Variants in NRAS observed in about 807,000 individuals in gnomAD.
NRAS encodes GTPase NRas.
In NRAS, 6 loss-of-function variants were observed where a neutral mutation model predicts 21.3. The observed-to-expected ratio is 0.28, with a 90% CI of 0.15 to 0.56. The LOEUF (loss-of-function observed/expected upper bound fraction) is 0.56. NRAS is among the 20% of genes least tolerant of loss of function. The pLI is 0.93. For synonymous variants in NRAS, 84 were observed against 82.0 expected, an observed-to-expected ratio of 1.02 and a Z score of -0.13; for missense variants, 143 against 231.3, an observed-to-expected ratio of 0.62 and a Z score of 2.48.
intron 4 of NRAS, 130 bp downstream of exon 4, chr1:114,709,439 A>G: frequency 1.2e-6 from 1 of 806,536 alleles, no homozygotes; most frequent in Non-Finnish European, 2.0e-6. Context: ...TGCCTAAAAA[A>G]AAATAAAAAA....
intron 3 of NRAS, among the ~76,000 whole-genome samples, chr1:114,713,421 C>T (rs1659086124): frequency 6.6e-6 from 1 of 152,168 alleles, no homozygotes; most frequent in Admixed American, 6.5e-5. Flanking sequence ...GCCTTGGCCT[C>T]CCAAAGCACT....
intron 5 of NRAS, 103 bp from the exon 6 acceptor site, chr1:114,708,295 TAAA>T (rs1658962240): frequency 1.8e-6 from 1 of 548,494 alleles, no homozygotes; most frequent in Non-Finnish European, 3.2e-6. Context: ...CTACATTTCA[TAAA>T]TAATGTCTTA....
chr1:114,709,477 T>C lies in NRAS; in HGVS notation c.450+92A>G, dbSNP rs1403174413. 5.6e-6 allele frequency: 6 copies of C among 1,067,098 alleles called. No individual in the cohort carries two copies. The Admixed American group carries it at 1.1e-4, about 19-fold the overall frequency. The allele number at this position is 1,067,098 out of a possible 1,614,324, so 66.1% of individuals were successfully genotyped here. A position where few individuals can be genotyped will look rare whatever the true frequency, so the allele number is the denominator to read the frequency against. ...AAAAAATAAAAATGAAAAAAATGCATAACAACAAAGAATATGAATATGGAT... is the reference window on the plus strand; with the variant it reads ...AAAAAATAAAAATGAAAAAAATGCACAACAACAAAGAATATGAATATGGAT... On this transcript the variant is annotated intron_variant, in intron 4 of 6. Transcript: ENST00000369535.
chr1:114,716,502 T>G lies in NRAS; in HGVS notation c.-18+156A>C, dbSNP rs9724617. Among the ~76,000 whole-genome samples, 3,038 of 152,212 alleles carry G rather than the reference T, an allele frequency of 0.02. 95 individuals are homozygous for G. Among genetic ancestry groups the G allele is most frequent in the African/African-American group, 0.068 (2,831 of 41,506 alleles). ...CGCAACTCCTTCCCATTCTCCCTTC[T>G]GTCTCCAAAGATCTCCCCACGTAGG... On this transcript the variant is annotated intron_variant, in intron 1 of 6. Transcript: ENST00000369535.
At position 114,706,086 on chromosome 1, in the gene NRAS, A is replaced by G. The variant is rs1290346501; in HGVS notation, c.*2008T>C. The G allele has an allele frequency of 6.6e-6, 1 of 152,220 alleles. No homozygotes were observed. The highest frequency in any genetic ancestry group is 1.5e-5 in the Non-Finnish European group (1 of 68,038). The allele number at this position is 152,220 out of a possible 1,614,324, so 9.4% of individuals were successfully genotyped here. On this transcript the variant is annotated 3_prime_UTR_variant, in exon 7 of 7. Transcript: ENST00000369535. ...AGAAGGAGCAGAAACAGAAAAGCAG[A>G]ATTTCCATTTACAAATGATGACAGT...
intron 2 of NRAS, among the ~76,000 whole-genome samples, chr1:114,714,917 A>T (rs762713777): frequency 6.6e-6 from 1 of 152,262 alleles, no homozygotes; most frequent in Non-Finnish European, 1.5e-5. Context: ...GTTAGTTTTC[A>T]TCAATTAAAC....
rs903990773 is a variant in NRAS, at chr1:114,708,476, T to C, written c.*4+55A>G. ...ACAATAACACCAGCACTCCTCCAAA[T>C]TGCCCAATACTATATACTAAGATTT... On this transcript the variant is annotated intron_variant, in intron 5 of 6. Coordinates refer to ENST00000369535, the MANE Select transcript of NRAS (RefSeq NM_002524.5). 12 of 1,547,136 alleles carry C rather than the reference T, an allele frequency of 7.8e-6. No individual in the cohort carries two copies. In the Admixed American group the frequency reaches 1.2e-4, roughly 15 times the overall value.
intron 1 of NRAS, 85 bp from the exon 2 acceptor site, chr1:114,716,262 C>T: frequency 2.4e-6 from 2 of 826,626 alleles, no homozygotes; most frequent in Non-Finnish European, 4.3e-6. Flanking sequence ...AAATGAAAAC[C>T]CTAGTGTGAC....
chr1:114,709,777 T>G (rs754914287), intron 3 of NRAS, 49 bp from the exon 4 acceptor site: 1 of 1,482,096 alleles, frequency 6.7e-7, no homozygotes, highest in African/African-American at 1.4e-5. Flanking sequence ...AAGATTAGGC[T>G]GGGTACAGTG....
At chr1:114,714,573 A>G (rs1292126188) in intron 2 of NRAS, among the ~76,000 whole-genome samples, 1 of 152,214 alleles carries the variant, frequency 6.6e-6, no homozygotes, top group Non-Finnish European at 1.5e-5. Context: ...ACATGCATAG[A>G]TCATATAAAA....
In NRAS at chr1:114,709,748, A is replaced by G; in HGVS notation, c.291-20T>C. The G allele has an allele frequency of 6.2e-7, 1 of 1,603,896 alleles. No individual in the cohort carries two copies. Among genetic ancestry groups the G allele is most frequent in the Non-Finnish European group, 8.5e-7 (1 of 1,170,696 alleles). ...TGCTCCCTAAAAACGGGAATATATT[A>G]TCAGAACATAAGAAAAACAAGATTA... is the stretch of plus-strand genomic sequence containing the variant. On this transcript the variant is annotated intron_variant, in intron 3 of 6. Coordinates refer to ENST00000369535, the MANE Select transcript of NRAS (RefSeq NM_002524.5).
intron 3 of NRAS, 30 bp downstream of exon 3, chr1:114,713,770 T>C (rs1055099395): frequency 6.4e-7 from 1 of 1,572,474 alleles, no homozygotes; most frequent in Non-Finnish European, 8.8e-7. Flanking sequence ...ACAAAGATCA[T>C]CCTTTCAGAG....
Position 114,713,911 on chromosome 1 carries a change from C to T in NRAS, c.179G>A (p.Gly60Glu), listed in dbSNP as rs267606920. 2 of 1,611,642 alleles carry T rather than the reference C, an allele frequency of 1.2e-6. No individual in the cohort carries two copies. The highest frequency in any genetic ancestry group is 8.5e-7 in the Non-Finnish European group (1 of 1,178,064). Residue 60 changes from glycine (G) to glutamate (E), a missense_variant, in exon 3 of 7, where the codon GGA becomes GAA. Transcript: ENST00000369535. Reference protein sequence around the residue: ...TCLLDILDTAGQEEYSAMRDQ... With the variant: ...TCLLDILDTAEQEEYSAMRDQ... ...TCTCATGGCACTGTACTCTTCTTGT[C>T]CAGCTGTATCCAGTATGTCCAACAA...
chr1:114,713,247 T>C (rs1450242205), intron 3 of NRAS, among the ~76,000 whole-genome samples: 1 of 151,924 alleles, frequency 6.6e-6, no homozygotes, highest in African/African-American at 2.4e-5. Context: ...TGCAGTGGAG[T>C]GAGCATGCCT....
chr1:114,709,476 A>C (rs908072235), intron 4 of NRAS, 93 bp downstream of exon 4: 35 of 1,053,422 alleles, frequency 3.3e-5, no homozygotes, highest in Non-Finnish European at 4.4e-5. Context: ...AAAAAAATGC[A>C]TAACAACAAA....
At chr1:114,713,696 C>A in intron 3 of NRAS, 104 bp downstream of exon 3, 1 of 971,826 alleles carries the variant, frequency 1.0e-6, no homozygotes. Context: ...CCAACTCTTC[C>A]CATAATTAAA....
At position 114,709,694 on chromosome 1, in the gene NRAS, C is replaced by T. The variant is rs730880966; in HGVS notation, c.325G>A (p.Val109Ile). 6.2e-7 allele frequency: 1 copy of T among 1,613,696 alleles called. No homozygotes were observed. Among genetic ancestry groups the T allele is most frequent in the East Asian group, 2.2e-5 (1 of 44,872 alleles). ...TTGTTTCCCACTAGCACCATAGGTACATCATCCGAGTCTTTTACTCGCTTA... is the reference window on the plus strand; with the variant it reads ...TTGTTTCCCACTAGCACCATAGGTATATCATCCGAGTCTTTTACTCGCTTA... ...QIKRVKDSDD[V>I]PMVLVGNKCD... The change falls in exon 4 of 7, where the codon GTA becomes ATA. Residue 109 changes from valine (V) to isoleucine (I), a missense_variant. Val to Ile is a conservative substitution (Grantham distance 29, BLOSUM62 3). Coordinates refer to ENST00000369535, the MANE Select transcript of NRAS (RefSeq NM_002524.5).
intron 1 of NRAS, 38 bp from the exon 2 acceptor site, chr1:114,716,215 A>C (rs2100995801): frequency 9.0e-7 from 1 of 1,115,116 alleles, no homozygotes; most frequent in South Asian, 1.2e-5. Flanking sequence ...TTGGCGAGCC[A>C]CATCTACAGT....
intron 3 of NRAS, among the ~76,000 whole-genome samples, chr1:114,712,408 A>T (rs1220816464): frequency 6.6e-6 from 1 of 152,158 alleles, no homozygotes; most frequent in Non-Finnish European, 1.5e-5. Flanking sequence ...TACTATATGC[A>T]TTTTCATAAG....
Sources: allele counts gnomAD v4.1 joint callset (sites outside exome capture counted in the v4.1 genomes callset), GRCh38; gene constraint gnomAD v4.1.1; transcripts MANE v1.5; gene names NCBI Gene and HGNC (gene_info 2026-07-23, HGNC 2026-07-21).